PPM1H: variants seen among roughly 807,000 people sequenced by gnomAD.
The protein encoded by PPM1H is protein phosphatase 1H.
PPM1H carries 27 observed loss-of-function variants against 54.9 expected under a neutral mutation model. The ratio of observed to expected loss-of-function variants is 0.49; its 90% CI spans 0.36 to 0.68. The LOEUF is 0.68. Ranked by LOEUF, PPM1H falls within the 30% of genes least tolerant of loss-of-function variation. PPM1H has a pLI of 0.00. For synonymous variants in PPM1H, 305 were observed against 270.8 expected, an observed-to-expected ratio of 1.13 and a Z score of -1.24; for missense variants, 596 against 667.8, an observed-to-expected ratio of 0.89 and a Z score of 1.19.
Position 62,934,806 on chromosome 12 carries a change from G to A in PPM1H, c.-70C>T. 2.3e-6 allele frequency: 3 copies of A among 1,322,746 alleles called. No individual in the cohort carries two copies. Among genetic ancestry groups the A allele is most frequent in the Non-Finnish European group, 2.9e-6 (3 of 1,033,156 alleles). The allele number at this position is 1,322,746 out of a possible 1,614,324, so 81.9% of individuals were successfully genotyped here. On this transcript the variant is annotated 5_prime_UTR_variant, in exon 1 of 10. Transcript: ENST00000228705. This position sits in a 1 kb window ranked among gnomAD's most constrained non-coding sequence, Gnocchi z 4.2. ...GGGGCCGGGCAAGGCGCAGCGCGGGGCATGCAGGCTGCGGTGGGCGCCGGG... is the reference window on the plus strand; with the variant it reads ...GGGGCCGGGCAAGGCGCAGCGCGGGACATGCAGGCTGCGGTGGGCGCCGGG...
chr12:62,776,314 A>G (rs1489502258), intron 4 of PPM1H, among the ~76,000 whole-genome samples: 1 of 152,182 alleles, frequency 6.6e-6, no homozygotes, highest in African/African-American at 2.4e-5. Flanking sequence ...TTGCTGTCGC[A>G]TTTGAAACTG....
chr12:62,818,405 T>C (rs1159239240), intron 2 of PPM1H, among the ~76,000 whole-genome samples: 1 of 152,152 alleles, frequency 6.6e-6, no homozygotes, highest in Non-Finnish European at 1.5e-5. Flanking sequence ...GAGCTAGCAA[T>C]GGTGATTCAT....
Position 62,717,451 on chromosome 12 carries a change from CAGAG to C in PPM1H, c.1073+2716_1073+2719del, listed in dbSNP as rs60561309. ...TTATCTGCTTAGGACCATGCTAATG[CAGAG>C]AGAGAGAGAGAGAGAGAGAGAAAGA... On this transcript the variant is annotated intron_variant, in intron 6 of 9. Transcript: ENST00000228705. 1.7e-3 allele frequency among the ~76,000 whole-genome samples: 254 copies of C among 148,406 alleles called. 1 individual carries two copies. The highest frequency in any genetic ancestry group is 1.4e-3 in the Non-Finnish European group (92 of 66,876).
chr12:62,806,339 C>T (rs920068110), intron 2 of PPM1H, among the ~76,000 whole-genome samples: 3 of 152,120 alleles, frequency 2.0e-5, no homozygotes, highest in Non-Finnish European at 4.4e-5. Flanking sequence ...ATTTTTAATT[C>T]AACCAATATG....
intron 1 of PPM1H, among the ~76,000 whole-genome samples, chr12:62,879,374 A>C (rs1470278156): frequency 1.3e-5 from 2 of 152,236 alleles, no homozygotes; most frequent in Non-Finnish European, 2.9e-5. Flanking sequence ...AATGTCCACC[A>C]AAGATAGACT....
Position 62,720,291 on chromosome 12 carries a change from T to TA in PPM1H, c.955-3dup. ...CAGCAAGTGAGGCTGCATGAATGCC[T>TA]AATAGCAAAAAGAAAAAGAAAAAAC... On this transcript the variant is annotated splice_region_variant and splice_polypyrimidine_tract_variant and intron_variant, in intron 5 of 9. Transcript: ENST00000228705. 6.3e-7 allele frequency: 1 copy of TA among 1,597,638 alleles called. No homozygotes were observed. The highest frequency in any genetic ancestry group is 8.6e-7 in the Non-Finnish European group (1 of 1,165,422).
intron 8 of PPM1H, among the ~76,000 whole-genome samples, chr12:62,670,865 C>T (rs770038846): frequency 6.6e-6 from 1 of 152,194 alleles, no homozygotes; most frequent in African/African-American, 2.4e-5. Context: ...TACAACCACC[C>T]TCTGTTTCCT....
chr12:62,818,962 A>G (rs141734471), intron 2 of PPM1H, among the ~76,000 whole-genome samples: 4,476 of 151,382 alleles, frequency 0.03, 107 homozygotes, highest in Non-Finnish European at 0.045. Context: ...CTGGGAATAC[A>G]GGCATATGCC....
intron 4 of PPM1H, among the ~76,000 whole-genome samples, 160 bp downstream of exon 4, chr12:62,788,066 C>T (rs1183125729): frequency 6.6e-6 from 1 of 152,186 alleles, no homozygotes; most frequent in Non-Finnish European, 1.5e-5. Context: ...TAAGAGACTG[C>T]CTTTACCTTG....
intron 1 of PPM1H, among the ~76,000 whole-genome samples, chr12:62,869,969 AG>A (rs1869921806): frequency 6.6e-6 from 1 of 152,184 alleles, no homozygotes; most frequent in Non-Finnish European, 1.5e-5. Context: ...ATCGAGGAGC[AG>A]GACCATGTTT....
intron 1 of PPM1H, among the ~76,000 whole-genome samples, chr12:62,883,522 C>T (rs916925339): frequency 6.6e-6 from 1 of 152,284 alleles, no homozygotes; most frequent in East Asian, 1.9e-4. Flanking sequence ...TATAAATATT[C>T]ATGACCCTTG....
chr12:62,923,952 T>TAC (rs1456199298), intron 1 of PPM1H, among the ~76,000 whole-genome samples: 1 of 110,446 alleles, frequency 9.1e-6, no homozygotes, highest in East Asian at 3.0e-4. Context: ...CATAAAACTA[T>TAC]TTGATTTAAA....
intron 5 of PPM1H, among the ~76,000 whole-genome samples, chr12:62,730,782 G>T (rs1053660491): frequency 6.6e-6 from 1 of 152,136 alleles, no homozygotes; most frequent in Non-Finnish European, 1.5e-5. Flanking sequence ...AAAGTCTAAG[G>T]TCAAGAATGA....
intron 9 of PPM1H, among the ~76,000 whole-genome samples, chr12:62,661,126 G>A (rs535453626): frequency 6.0e-4 from 91 of 152,236 alleles, no homozygotes; most frequent in African/African-American, 2.1e-3. Context: ...TTGGGTCCCA[G>A]AATGTGCCAT....
At chr12:62,831,373 C>T (rs1464584354) in intron 2 of PPM1H, among the ~76,000 whole-genome samples, 2 of 152,114 alleles carry the variant, frequency 1.3e-5, no homozygotes, top group Non-Finnish European at 2.9e-5. Context: ...TTGCTGAGAG[C>T]TTCTTCAGAG....
intron 2 of PPM1H, among the ~76,000 whole-genome samples, chr12:62,830,286 C>T (rs755025949): frequency 5.9e-5 from 9 of 151,948 alleles, no homozygotes; most frequent in East Asian, 1.9e-4. Context: ...GACGGAGTCT[C>T]GCTCTGTCAC....
chr12:62,915,776 G>A (rs1349746241), intron 1 of PPM1H, among the ~76,000 whole-genome samples: 3 of 152,216 alleles, frequency 2.0e-5, no homozygotes, highest in Non-Finnish European at 4.4e-5. Flanking sequence ...CTGTAAGAAG[G>A]AAGAACCATT....
chr12:62,700,828 T>C (rs2076140282), intron 6 of PPM1H, among the ~76,000 whole-genome samples: 1 of 152,202 alleles, frequency 6.6e-6, no homozygotes. Flanking sequence ...CATCAAAGGT[T>C]TTCTATTGCG....
chr12:62,801,990 C>T lies in PPM1H; in HGVS notation c.582G>A (p.Glu194=). The T allele has an allele frequency of 6.2e-7, 1 of 1,613,282 alleles. No homozygotes were observed. The highest frequency in any genetic ancestry group is 8.5e-7 in the Non-Finnish European group (1 of 1,179,568). The change falls in exon 3 of 10, where the codon GAG becomes GAA. Residue 194 remains glutamate, a synonymous_variant. Transcript: ENST00000228705. ...TGTTGGCGGGCGTGTTCTCAGGCTCCTCCCCCAGGCAGGTAGGGGGCAGGA... is the reference window on the plus strand; with the variant it reads ...TGTTGGCGGGCGTGTTCTCAGGCTCTTCCCCCAGGCAGGTAGGGGGCAGGA... The part of the protein sequence containing the change: ...SAVLPPTCLG[E]EPENTPANSR...
Sources: gnomAD v4.1 joint callset for allele counts (sites outside exome capture counted in the v4.1 genomes callset) on GRCh38, gnomAD v4.1.1 for gene constraint, Gnocchi (gnomAD v3.1) non-coding constraint, MANE v1.5 for transcripts, NCBI Gene and HGNC (gene_info 2026-07-23, HGNC 2026-07-21) for gene names.